The following RBFOX1 variants were observed in gnomAD, a reference collection of about 807,000 sequenced individuals.
RBFOX1 encodes RNA binding fox-1 homolog 1.
In RBFOX1, 8 loss-of-function variants were observed where a neutral mutation model predicts 57.7. That is an observed-to-expected ratio of 0.14 (90% CI 0.08 to 0.25). The LOEUF (loss-of-function observed/expected upper bound fraction) is 0.25, where lower values mean the gene tolerates loss of function less well. Ranked by LOEUF, RBFOX1 falls within the 10% of genes least tolerant of loss-of-function variation. RBFOX1 has a pLI of 1.00. For synonymous variants in RBFOX1, 326 were observed against 222.4 expected (o/e 1.47, Z -4.15); for missense variants, 611 against 548.5 (o/e 1.11, Z -1.14).
chr16:6,609,898 C>T (rs1423436555), intron 2 of RBFOX1, among the ~76,000 whole-genome samples: 2 of 152,024 alleles, frequency 1.3e-5, no homozygotes, highest in Non-Finnish European at 2.9e-5. Context: ...GTCCCAGCTA[C>T]TTGGGAGGCT....
chr16:5,564,941 G>T (rs1381436295), intron 2 of RBFOX1, among the ~76,000 whole-genome samples: 2 of 152,146 alleles, frequency 1.3e-5, no homozygotes, highest in African/African-American at 4.8e-5. Flanking sequence ...GCCACGTGTA[G>T]TTTCTTACAT....
intron 4 of RBFOX1, among the ~76,000 whole-genome samples, chr16:5,907,450 A>G (rs1389291865): frequency 1.3e-5 from 2 of 152,096 alleles, no homozygotes; most frequent in African/African-American, 4.8e-5. Flanking sequence ...TTATATTAAT[A>G]TCATCATCTG....
intron 2 of RBFOX1, among the ~76,000 whole-genome samples, chr16:6,504,918 T>G (rs1042028825): frequency 2.6e-5 from 4 of 151,462 alleles, no homozygotes; most frequent in African/African-American, 4.8e-5. Flanking sequence ...AAAAATTTTG[T>G]AATTTTTTAA....
intron 4 of RBFOX1, among the ~76,000 whole-genome samples, chr16:7,204,324 A>T (rs2089451128): frequency 6.6e-6 from 1 of 152,156 alleles, no homozygotes; most frequent in Admixed American, 6.5e-5. Context: ...GATTGCAAAC[A>T]CTTTAATATT....
intron 4 of RBFOX1, among the ~76,000 whole-genome samples, chr16:7,187,554 T>G (rs1453424787): frequency 6.6e-6 from 1 of 151,214 alleles, no homozygotes; most frequent in South Asian, 2.1e-4. Flanking sequence ...CCAGGCGTGG[T>G]GGCGGGCGCC....
intron 4 of RBFOX1, among the ~76,000 whole-genome samples, chr16:7,449,193 T>G (rs2098832267): frequency 6.6e-6 from 1 of 152,162 alleles, no homozygotes; most frequent in African/African-American, 2.4e-5. Flanking sequence ...CCTCCCAAAG[T>G]GCTGGGATTA....
At chr16:6,573,008 A>G (rs1024526400) in intron 2 of RBFOX1, among the ~76,000 whole-genome samples, 1 of 152,058 alleles carries the variant, frequency 6.6e-6, no homozygotes, top group African/African-American at 2.4e-5. Context: ...GTCAGGGATC[A>G]CTCTATTAAG....
chr16:6,899,542 T>A (rs2067931587), intron 3 of RBFOX1, among the ~76,000 whole-genome samples: 1 of 152,236 alleles, frequency 6.6e-6, no homozygotes, highest in Non-Finnish European at 1.5e-5. Context: ...TAGAGACACC[T>A]GGATGTAGAT....
intron 3 of RBFOX1, among the ~76,000 whole-genome samples, chr16:6,657,624 T>C (rs1311891589): frequency 6.6e-6 from 1 of 152,172 alleles, no homozygotes; most frequent in South Asian, 2.1e-4. Context: ...CGTGTGTGTG[T>C]GCATGTCCCT....
At position 5,817,495 on chromosome 16, in the gene RBFOX1, G is replaced by A. The variant is rs185295601; in HGVS notation, c.319-49808G>A. On this transcript the variant is annotated intron_variant, in intron 3 of 19. Coordinates refer to the RBFOX1 transcript ENST00000641259. ...GTGAGAAATTAATGGATGAACAAGT[G>A]AGTGAGGCCAAAATTCTCATAGCTC... Among the ~76,000 whole-genome samples the A allele has an allele frequency of 2.0e-5, 3 of 152,280 alleles. No homozygotes were observed. In the East Asian group the frequency reaches 5.8e-4, roughly 29 times the overall value.
intron 4 of RBFOX1, among the ~76,000 whole-genome samples, chr16:7,255,297 C>G (rs773279116): frequency 6.6e-6 from 1 of 152,274 alleles, no homozygotes; most frequent in East Asian, 1.9e-4. Context: ...CATTCTATCA[C>G]ACTGCTGTGG....
Position 5,946,712 on chromosome 16 carries a change from G to A in RBFOX1, c.351+79377G>A, listed in dbSNP as rs2059406951. ...CCAGATGGTGAGAAGGGAAGTACAGGCTTGCTCTGAAGTGGGGCCAGTCTT... is the reference window on the plus strand; with the variant it reads ...CCAGATGGTGAGAAGGGAAGTACAGACTTGCTCTGAAGTGGGGCCAGTCTT... On this transcript the variant is annotated intron_variant, in intron 4 of 19. Transcript: ENST00000641259. The surrounding 1 kb of genome is among the most constrained non-coding windows in gnomAD (Gnocchi z 4.6). 6.6e-6 allele frequency among the ~76,000 whole-genome samples: 1 copy of A among 152,210 alleles called. No individual in the cohort carries two copies. The highest frequency in any genetic ancestry group is 6.5e-5 in the Admixed American group (1 of 15,284).
intron 3 of RBFOX1, among the ~76,000 whole-genome samples, chr16:5,639,888 C>G (rs192170748): frequency 2.1e-4 from 32 of 152,324 alleles, no homozygotes; most frequent in Non-Finnish European, 7.4e-5. Context: ...TAGTTATGAG[C>G]TATTTTCTGC....
At chr16:6,024,417 C>G (rs904167708) in intron 1 of RBFOX1, among the ~76,000 whole-genome samples, 3 of 152,078 alleles carry the variant, frequency 2.0e-5, no homozygotes, top group Admixed American at 6.6e-5. Context: ...GAGATTTGAC[C>G]TGAGAAGTAC....
intron 3 of RBFOX1, among the ~76,000 whole-genome samples, chr16:5,850,522 G>C (rs1470646030): frequency 6.6e-6 from 1 of 152,172 alleles, no homozygotes; most frequent in African/African-American, 2.4e-5. Context: ...AGTAGTAGTG[G>C]CAGTAACAGC....
intron 5 of RBFOX1, among the ~76,000 whole-genome samples, chr16:7,562,068 G>A (rs936260618): frequency 6.6e-6 from 1 of 152,192 alleles, no homozygotes; most frequent in Non-Finnish European, 1.5e-5. Context: ...CAGCCAGAAA[G>A]GGAGGCTGCT....
chr16:6,391,533 A>G (rs75600286), intron 2 of RBFOX1, among the ~76,000 whole-genome samples: 5 of 151,814 alleles, frequency 3.3e-5, no homozygotes, highest in Non-Finnish European at 1.5e-5. Flanking sequence ...AAGAAAAAAA[A>G]GTATCATGAT....
In RBFOX1 at chr16:5,841,514, C is replaced by T. The variant is rs76858446; in HGVS notation, c.319-25789C>T. Among the ~76,000 whole-genome samples, 1,169 of 152,298 alleles carry T rather than the reference C, an allele frequency of 7.7e-3. 15 individuals carry two copies. Among genetic ancestry groups the T allele is most frequent in the African/African-American group, 0.027 (1,130 of 41,550 alleles). On this transcript the variant is annotated intron_variant, in intron 3 of 19. Transcript: ENST00000641259. Reference sequence around the variant, plus strand: ...GATATAACAAGTAAAATACAGGGTGCCCAGTAACTTTTCAATATATGAATG... The same window carrying T: ...GATATAACAAGTAAAATACAGGGTGTCCAGTAACTTTTCAATATATGAATG...
chr16:6,741,372 T>A lies in RBFOX1; in HGVS notation c.-16+86722T>A, dbSNP rs556901433. On this transcript the variant is annotated intron_variant, in intron 3 of 15. Transcript: ENST00000550418. ...GAAAAAAATGATAAATTAGACTTCA[T>A]CAAAATTTGGCTGGACGGGGTGGCT... 4.6e-5 allele frequency among the ~76,000 whole-genome samples: 7 copies of A among 152,170 alleles called. No homozygotes were observed. The South Asian group carries it at 1.5e-3, about 32-fold the overall frequency.
Sources: allele counts gnomAD v4.1 joint callset (sites outside exome capture counted in the v4.1 genomes callset), GRCh38; gene constraint gnomAD v4.1.1; non-coding constraint Gnocchi (gnomAD v3.1); transcripts MANE v1.5; gene names NCBI Gene and HGNC (gene_info 2026-07-23, HGNC 2026-07-21).